Variants in LIPA observed in about 807,000 individuals in gnomAD.
LIPA encodes the protein lipase A, lysosomal acid type.
Under a neutral mutation model 40.6 loss-of-function variants are expected in LIPA, and 26 were observed. The observed-to-expected ratio is 0.64, with a 90% CI of 0.47 to 0.89. LIPA has a LOEUF of 0.89. LIPA is among the 40% of genes least tolerant of loss of function. LIPA has a pLI of 0.00. For synonymous variants in LIPA, 188 were observed against 168.4 expected (o/e 1.12, Z -0.90); for missense variants, 455 against 479.6 (o/e 0.95, Z 0.48).
chr10:89,378,809 C>G (rs1056314458), intron 2 of LIPA, among the ~76,000 whole-genome samples: 1 of 152,170 alleles, frequency 6.6e-6, no homozygotes, highest in Non-Finnish European at 1.5e-5. Context: ...GGGTAGCTGG[C>G]TTAATAAAAG....
In LIPA at chr10:89,338,931, A is replaced by C. The variant is rs1843795773; in HGVS notation, c.-2+3680T>G. ...AACATGCTGACCAAGCAGAAATCAG[A>C]AGTCTAGTCACTTGGGGAAACTACG... On this transcript the variant is annotated intron_variant, in intron 1 of 5. Coordinates refer to the LIPA transcript ENST00000282673. 7 of 1,614,188 alleles carry C rather than the reference A, an allele frequency of 4.3e-6. No individual in the cohort carries two copies. In the East Asian group the frequency reaches 1.6e-4, roughly 36 times the overall value.
At chr10:89,251,583 G>C (rs951547354) in intron 1 of LIPA, among the ~76,000 whole-genome samples, 154 bp downstream of exon 1, 4 of 152,178 alleles carry the variant, frequency 2.6e-5, no homozygotes, top group Non-Finnish European at 5.9e-5. Context: ...CGCAGAAAAA[G>C]CACCCGCAGG....
rs61589202 is a variant in LIPA, at chr10:89,359,815, T to TCACACACA, written c.61+52968_61+52975dup. On this transcript the variant is annotated intron_variant, in intron 2 of 8. Transcript: ENST00000371837. ...CTCTATCTATCTCTCTCTCTCTCTCTCACACACACACACACACACACACAC... is the reference window on the plus strand; with the variant it reads ...CTCTATCTATCTCTCTCTCTCTCTCTCACACACACACACACACACACACACACACACAC... Among the ~76,000 whole-genome samples the TCACACACA allele has an allele frequency of 8.2e-3, 1,200 of 146,194 alleles. 52 individuals are homozygous for TCACACACA. Among genetic ancestry groups the TCACACACA allele is most frequent in the Admixed American group, 0.074 (1,081 of 14,640 alleles).
At chr10:89,302,155 AGTGCTG>A in intron 1 of LIPA, 1 of 1,612,856 alleles carries the variant, frequency 6.2e-7, no homozygotes. Flanking sequence ...CGTATTCGGT[AGTGCTG>A]TTGAGTCATC....
intron 1 of LIPA, chr10:89,306,989 G>A: frequency 6.2e-7 from 1 of 1,613,998 alleles, no homozygotes; most frequent in Non-Finnish European, 8.5e-7. Flanking sequence ...CAGCCTCCAT[G>A]CTCTAGCAGA....
At chr10:89,371,270 T>C (rs1844089966) in intron 2 of LIPA, among the ~76,000 whole-genome samples, 2 of 152,204 alleles carry the variant, frequency 1.3e-5, no homozygotes, top group Non-Finnish European at 2.9e-5. Flanking sequence ...TCTTAATGCA[T>C]ATGGCTTAAG....
At chr10:89,272,784 C>T (rs540607263) in intron 1 of LIPA, among the ~76,000 whole-genome samples, 2 of 152,346 alleles carry the variant, frequency 1.3e-5, no homozygotes, top group East Asian at 3.9e-4. Flanking sequence ...TTATTAACAG[C>T]CATTGTGACT....
chr10:89,303,688 T>C (rs1315860101), intron 1 of LIPA, among the ~76,000 whole-genome samples: 2 of 152,252 alleles, frequency 1.3e-5, no homozygotes, highest in African/African-American at 2.4e-5. Flanking sequence ...CTTTATGTTT[T>C]ATATGGTGGA....
At chr10:89,264,840 G>C (rs1253670382) in intron 1 of LIPA, among the ~76,000 whole-genome samples, 1 of 152,224 alleles carries the variant, frequency 6.6e-6, no homozygotes, top group Non-Finnish European at 1.5e-5. Context: ...CTTCAAGGTG[G>C]TGCTTCACTG....
At chr10:89,411,018 G>A (rs1442275949) in intron 2 of LIPA, among the ~76,000 whole-genome samples, 1 of 152,240 alleles carries the variant, frequency 6.6e-6, no homozygotes, top group Non-Finnish European at 1.5e-5. Context: ...AAAAGCCAGG[G>A]TAAATTTAAA....
intron 3 of LIPA, 71 bp from the exon 4 acceptor site, chr10:89,228,469 G>T: frequency 8.0e-7 from 1 of 1,252,150 alleles, no homozygotes; most frequent in Non-Finnish European, 1.2e-6. Context: ...TTGCTAAATA[G>T]AACATTCGTA....
chr10:89,234,464 C>T (rs1466777449), intron 3 of LIPA, among the ~76,000 whole-genome samples: 2 of 152,204 alleles, frequency 1.3e-5, no homozygotes, highest in Non-Finnish European at 2.9e-5. Context: ...CATGACGGAT[C>T]CTCAGCAAAG....
chr10:89,262,713 T>C (rs577185287), intron 1 of LIPA, among the ~76,000 whole-genome samples: 3 of 152,204 alleles, frequency 2.0e-5, no homozygotes. Context: ...ATTTATCAGA[T>C]CGCAGGGTGA....
intron 1 of LIPA, among the ~76,000 whole-genome samples, chr10:89,295,520 C>T (rs1227081740): frequency 6.6e-6 from 1 of 152,190 alleles, no homozygotes; most frequent in African/African-American, 2.4e-5. Context: ...CTGGGTCCCA[C>T]ACTGGAATTT....
chr10:89,302,310 C>G (rs1458848161), intron 1 of LIPA, among the ~76,000 whole-genome samples: 1 of 152,166 alleles, frequency 6.6e-6, no homozygotes, highest in African/African-American at 2.4e-5. Context: ...CCCTCCTGAA[C>G]AATTTTCTGC....
At chr10:89,312,807 T>C (rs972204570) in intron 1 of LIPA, among the ~76,000 whole-genome samples, 1 of 148,436 alleles carries the variant, frequency 6.7e-6, no homozygotes, top group African/African-American at 2.5e-5. Context: ...AGACTCCCTC[T>C]CAAAAAAAAA....
At chr10:89,247,788 C>A (rs1424405379) in intron 1 of LIPA, 139 bp from the exon 2 acceptor site, 1 of 587,906 alleles carries the variant, frequency 1.7e-6, no homozygotes. Context: ...AAACAAATGA[C>A]TCCAGCCATA....
In LIPA at chr10:89,333,826, T is replaced by C. The variant is rs149475550; in HGVS notation, c.-2+8785A>G. Among the ~76,000 whole-genome samples, 5 of 152,314 alleles carry C rather than the reference T, an allele frequency of 3.3e-5. No individual in the cohort carries two copies. The East Asian group carries it at 9.6e-4, about 29-fold the overall frequency. On this transcript the variant is annotated intron_variant, in intron 1 of 5. Coordinates refer to the LIPA transcript ENST00000282673. ...GAAGCTGAGATCCCCCGGGAGGTTG[T>C]AAGAAAGGTAACATCCCAGCTTATC...
intron 1 of LIPA, among the ~76,000 whole-genome samples, chr10:89,324,134 C>T (rs1056578219): frequency 2.0e-5 from 3 of 151,306 alleles, no homozygotes; most frequent in Non-Finnish European, 4.4e-5. Context: ...AACTATACTA[C>T]AAGGCTATAG....
Sources: allele counts gnomAD v4.1 joint callset (sites outside exome capture counted in the v4.1 genomes callset), GRCh38; gene constraint gnomAD v4.1.1; transcripts MANE v1.5; gene names NCBI Gene and HGNC (gene_info 2026-07-23, HGNC 2026-07-21).